Variants in NLRP6 observed in about 807,000 individuals in gnomAD.
NLRP6 encodes NLR family pyrin domain containing 6.
NLRP6 carries 55 observed loss-of-function variants against 70.9 expected under a neutral mutation model. That is an observed-to-expected ratio of 0.78 (90% CI 0.62 to 0.97). NLRP6 has a LOEUF of 0.97. Ranked by LOEUF, NLRP6 falls within the 50% of genes least tolerant of loss-of-function variation. The pLI is 0.00. For synonymous variants in NLRP6, 652 were observed against 581.9 expected, an observed-to-expected ratio of 1.12 and a Z score of -1.73; for missense variants, 1,241 against 1,238.3, an observed-to-expected ratio of 1.00 and a Z score of -0.03.
Position 278,694 on chromosome 11 carries a change from T to TC in NLRP6, c.29+96_29+97insC. 1.1e-6 allele frequency: 1 copy of TC among 922,640 alleles called. No homozygotes were observed. The highest frequency in any genetic ancestry group is 1.6e-6 in the Non-Finnish European group (1 of 624,118). 57.2% of individuals were successfully genotyped at this position (922,640 alleles called of 1,614,324 possible). ...GCTGACTTCCTCAGGCTCTCCACCC[T>TC]TGTCCACATCCTTCCCCCACCCTCA... is the stretch of plus-strand genomic sequence containing the variant. On this transcript the variant is annotated intron_variant, in intron 1 of 7. Transcript: ENST00000534750. This position sits in a 1 kb window ranked among gnomAD's most constrained non-coding sequence, Gnocchi z 4.7.
chr11:280,824 G>T lies in NLRP6; in HGVS notation c.1090G>T (p.Asp364Tyr). 4 of 1,613,118 alleles carry T rather than the reference G, an allele frequency of 2.5e-6. No individual in the cohort carries two copies. Among genetic ancestry groups the T allele is most frequent in the African/African-American group, 1.3e-5 (1 of 75,074 alleles). The change falls in exon 4 of 8, where the codon GAT becomes TAT. Residue 364 changes from aspartate to tyrosine, a missense_variant. By Grantham distance (160) the Asp-to-Tyr change is radical. Transcript: ENST00000534750. ...GAAGTATTTCTACAAGTATTTCCGGGATGAGAGGAGGGCCGAGCGCGCCTA... is the reference window on the plus strand; with the variant it reads ...GAAGTATTTCTACAAGTATTTCCGGTATGAGAGGAGGGCCGAGCGCGCCTA... ...KKKYFYKYFRDERRAERAYRF... is the reference protein window; with the variant it reads ...KKKYFYKYFRYERRAERAYRF...
chr11:282,863 C>A, intron 5 of NLRP6, 66 bp downstream of exon 5: 1 of 1,175,610 alleles, frequency 8.5e-7, no homozygotes, highest in Non-Finnish European at 1.3e-6. Context: ...TGGGCAGAGA[C>A]GGAAGTATGA....
At position 284,156 on chromosome 11, in the gene NLRP6, G is replaced by A; in HGVS notation, c.2199-74G>A. The A allele has an allele frequency of 3.6e-6, 5 of 1,379,008 alleles. No individual in the cohort carries two copies. In the South Asian group the frequency reaches 4.7e-5, roughly 13 times the overall value. 85.4% of individuals were successfully genotyped at this position (1,379,008 alleles called of 1,614,324 possible). ...CTGAACCCTGGGCCACCGGGCAGCG[G>A]GCATTTTGTGCAGTTGGAGGTGGTG... is the stretch of plus-strand genomic sequence containing the variant. On this transcript the variant is annotated intron_variant, in intron 5 of 7. Transcript: ENST00000534750.
chr11:284,270 C>A lies in NLRP6; in HGVS notation c.2239C>A (p.Leu747Ile), dbSNP rs781351097. 2 of 1,613,190 alleles carry A rather than the reference C, an allele frequency of 1.2e-6. No individual in the cohort carries two copies. Among genetic ancestry groups the A allele is most frequent in the South Asian group, 2.2e-5 (2 of 91,084 alleles). The change falls in exon 6 of 8, where the codon CTT becomes ATT. Residue 747 changes from leucine to isoleucine, a missense_variant. Transcript: ENST00000534750. ...CKLPDAVCRD[L>I]SEALRAAPAL... ...ACTCCCTGACGCGGTCTGCCGAGAC[C>A]TTTCTGAGGCCCTGAGGGCAGCCCC...
Position 279,832 on chromosome 11 carries a change from A to G in NLRP6, c.311-2A>G. On this transcript the variant is annotated splice_acceptor_variant, in intron 2 of 7. Transcript: ENST00000534750. LOFTEE classifies it high-confidence loss of function. Reference sequence around the variant, plus strand: ...GGAACCTCACCCCAGTTTCCCTTCCAGGGCTCGGGCTCGGCTCCGGGACGC... The same window carrying G: ...GGAACCTCACCCCAGTTTCCCTTCCGGGGCTCGGGCTCGGCTCCGGGACGC... 2 of 1,579,168 alleles carry G rather than the reference A, an allele frequency of 1.3e-6. No homozygotes were observed. Among genetic ancestry groups the G allele is most frequent in the Non-Finnish European group, 1.7e-6 (2 of 1,166,088 alleles).
chr11:283,199 C>G (rs764334290), intron 5 of NLRP6, among the ~76,000 whole-genome samples: 2 of 152,068 alleles, frequency 1.3e-5, no homozygotes, highest in Non-Finnish European at 2.9e-5. Context: ...CCGGCTTCTG[C>G]GTGCCCAGTA....
At position 280,281 on chromosome 11, in the gene NLRP6, A is replaced by C; in HGVS notation, c.547A>C (p.Asn183His). 1 of 1,511,010 alleles carries C rather than the reference A, an allele frequency of 6.6e-7. No homozygotes were observed. The highest frequency in any genetic ancestry group is 1.4e-5 in the African/African-American group (1 of 69,940). 93.6% of individuals were successfully genotyped at this position (1,511,010 alleles called of 1,614,324 possible). The change falls in exon 4 of 8, where the codon AAC becomes CAC. Residue 183 changes from asparagine to histidine, a missense_variant. Coordinates refer to ENST00000534750, the MANE Select transcript of NLRP6 (RefSeq NM_001276700.2). ...RARRSDTHTFNRLFRRDEEGR... is the reference protein window; with the variant it reads ...RARRSDTHTFHRLFRRDEEGR... ...GCGGCGCTCGGACACGCACACTTTC[A>C]ACCGCCTCTTCCGCCGCGACGAGGA...
rs1391053827 is a variant in NLRP6 at position 281,306 on chromosome 11, C to T, written c.1572C>T (p.Gly524=). 2 of 1,608,294 alleles carry T rather than the reference C, an allele frequency of 1.2e-6. No homozygotes were observed. Among genetic ancestry groups the T allele is most frequent in the East Asian group, 2.2e-5 (1 of 44,802 alleles). ...GCGGGGTGCCCAGGACCGCGGCTGG[C>T]GGCGTTGGGACACTCCTGCGTGGGG... ...EDGGVPRTAA[G]GVGTLLRGDA... The change falls in exon 4 of 8, where the codon GGC becomes GGT. Residue 524 remains glycine (G), a synonymous_variant. Coordinates refer to ENST00000534750, the MANE Select transcript of NLRP6 (RefSeq NM_001276700.2).
In NLRP6 at chr11:281,832, G is replaced by A; in HGVS notation, c.2098G>A (p.Gly700Ser). 2 of 1,574,248 alleles carry A rather than the reference G, an allele frequency of 1.3e-6. No homozygotes were observed. Among genetic ancestry groups the A allele is most frequent in the Non-Finnish European group, 8.6e-7 (1 of 1,164,732 alleles). Residue 700 changes from glycine to serine, a missense_variant, in exon 4 of 8, where the codon GGC becomes AGC. By Grantham distance (56) the Gly-to-Ser change is moderately conservative (BLOSUM62 0). Coordinates refer to ENST00000534750, the MANE Select transcript of NLRP6 (RefSeq NM_001276700.2). Reference sequence around the variant, plus strand: ...GAAGCGGCTCCAGGCCAGCCTGGGTGGCGGCAGGTGCGTCTCCAGGGCAGA... The same window carrying A: ...GAAGCGGCTCCAGGCCAGCCTGGGTAGCGGCAGGTGCGTCTCCAGGGCAGA... ...LGKRLQASLGGGSSQGTTKQL... is the reference protein window; with the variant it reads ...LGKRLQASLGSGSSQGTTKQL...
rs149974030 is a variant in NLRP6, at chr11:284,578, G to A, written c.2473G>A (p.Ala825Thr). Reference protein sequence around the residue: ...TLDLSGCQLPAPMVTYLCAVL... With the variant: ...TLDLSGCQLPTPMVTYLCAVL... ...GGATCTCAGCGGCTGCCAACTGCCC[G>A]CCCCCATGGTGACCTACCTGTGTGC... The change falls in exon 7 of 8, where the codon GCC becomes ACC. Residue 825 changes from alanine (A) to threonine (T), a missense_variant. By Grantham distance (58) the Ala-to-Thr change is moderately conservative. Coordinates refer to ENST00000534750, the MANE Select transcript of NLRP6 (RefSeq NM_001276700.2). 148 of 1,612,064 alleles carry A rather than the reference G, an allele frequency of 9.2e-5. No individual in the cohort carries two copies. In the East Asian group the frequency reaches 9.8e-4, roughly 11 times the overall value.
chr11:284,225 C>T lies in NLRP6; in HGVS notation c.2199-5C>T. The T allele has an allele frequency of 1.9e-6, 3 of 1,613,012 alleles. No homozygotes were observed. The highest frequency in any genetic ancestry group is 1.6e-4 in the Middle Eastern group (1 of 6,062). On this transcript the variant is annotated splice_region_variant and splice_polypyrimidine_tract_variant and intron_variant, in intron 5 of 7. Transcript: ENST00000534750. ...CAGGTAAATCTCTGTGCTTCTTGAC[C>T]ACAGGCTGTCCCACTGCAAACTCCC...
In NLRP6 at chr11:281,426, C is replaced by T. The variant is rs1371569776; in HGVS notation, c.1692C>T (p.Gly564=). The T allele has an allele frequency of 3.7e-6, 6 of 1,607,470 alleles. No homozygotes were observed. The East Asian group carries it at 1.3e-4, about 36-fold the overall frequency. The part of the protein sequence containing the change: ...ERMRDIERHF[G]CMVSERVKQE... ...TGCGCGACATCGAGCGCCACTTCGG[C>T]TGCATGGTTTCAGAGCGTGTGAAGC... Residue 564 remains glycine (G), a synonymous_variant, in exon 4 of 8, where the codon GGC becomes GGT. Transcript: ENST00000534750.
At chr11:284,147 C>A in intron 5 of NLRP6, 83 bp from the exon 6 acceptor site, 2 of 1,289,826 alleles carry the variant, frequency 1.6e-6, no homozygotes, top group East Asian at 2.4e-5. Context: ...CCTGGGCCAC[C>A]GGGCAGCGGG....
chr11:279,424 G>T lies in NLRP6; in HGVS notation c.127G>T (p.Asp43Tyr). The change falls in exon 2 of 8, where the codon GAC becomes TAC. Residue 43 changes from aspartate (D) to tyrosine (Y), a missense_variant. Asp to Tyr is a radical substitution (Grantham distance 160). Coordinates refer to ENST00000534750, the MANE Select transcript of NLRP6 (RefSeq NM_001276700.2). ...QLKRFRHKLR[D>Y]VGPDGRSIPW... The stretch of plus-strand genomic sequence containing the variant: ...GAAGCGCTTCCGCCACAAGCTGCGC[G>T]ACGTGGGCCCGGACGGACGCAGCAT... The T allele has an allele frequency of 7.3e-7, 1 of 1,370,076 alleles. No individual in the cohort carries two copies. Among genetic ancestry groups the T allele is most frequent in the Non-Finnish European group, 9.4e-7 (1 of 1,064,150 alleles). The allele number at this position is 1,370,076 out of a possible 1,614,324, so 84.9% of individuals were successfully genotyped here. A position where few individuals can be genotyped will look rare whatever the true frequency, so the allele number is the denominator to read the frequency against.
rs200526821 is a variant in NLRP6 at position 284,498 on chromosome 11, G to A, written c.2393G>A (p.Arg798Gln). Residue 798 changes from arginine to glutamine, a missense_variant, in exon 7 of 8, where the codon CGA becomes CAA. Coordinates refer to ENST00000534750, the MANE Select transcript of NLRP6 (RefSeq NM_001276700.2). The part of the protein sequence containing the change: ...TVRVQLPDPQ[R>Q]GLQYLVGMLR... ...AGGGTACAGCTGCCTGACCCCCAGCGAGGGCTCCAGTACCTGGTGGGTATG... is the reference window on the plus strand; with the variant it reads ...AGGGTACAGCTGCCTGACCCCCAGCAAGGGCTCCAGTACCTGGTGGGTATG... 70 of 1,612,922 alleles carry A rather than the reference G, an allele frequency of 4.3e-5. No homozygotes were observed. The highest frequency in any genetic ancestry group is 1.7e-4 in the Admixed American group (10 of 59,996).
In NLRP6 at chr11:281,322, C is replaced by T. The variant is rs1275303556; in HGVS notation, c.1588C>T (p.Leu530=). The T allele has an allele frequency of 6.2e-7, 1 of 1,610,408 alleles. No homozygotes were observed. Among genetic ancestry groups the T allele is most frequent in the African/African-American group, 1.3e-5 (1 of 75,050 alleles). ...RTAAGGVGTL[L]RGDAQPHSHL... ...CGCGGCTGGCGGCGTTGGGACACTCCTGCGTGGGGACGCCCAGCCGCACAG... is the reference window on the plus strand; with the variant it reads ...CGCGGCTGGCGGCGTTGGGACACTCTTGCGTGGGGACGCCCAGCCGCACAG... Residue 530 remains leucine (L), a synonymous_variant, in exon 4 of 8, where the codon CTG becomes TTG. Coordinates refer to ENST00000534750, the MANE Select transcript of NLRP6 (RefSeq NM_001276700.2).
chr11:282,628 TAC>T, intron 4 of NLRP6, 75 bp from the exon 5 acceptor site: 1 of 1,142,322 alleles, frequency 8.8e-7, no homozygotes, highest in Non-Finnish European at 1.3e-6. Flanking sequence ...ACCCCAGGAC[TAC>T]AGATAGACAG....
At position 284,209 on chromosome 11, in the gene NLRP6, C is replaced by A. The variant is rs1045102449; in HGVS notation, c.2199-21C>A. The A allele has an allele frequency of 1.9e-6, 3 of 1,611,694 alleles. No individual in the cohort carries two copies. In the African/African-American group the frequency reaches 4.0e-5, roughly 22 times the overall value. ...GTGGCTGAGGCGCCTGCAGGTAAATCTCTGTGCTTCTTGACCACAGGCTGT... is the reference window on the plus strand; with the variant it reads ...GTGGCTGAGGCGCCTGCAGGTAAATATCTGTGCTTCTTGACCACAGGCTGT... On this transcript the variant is annotated intron_variant, in intron 5 of 7. Transcript: ENST00000534750.
At position 278,705 on chromosome 11, in the gene NLRP6, C is replaced by T. The variant is rs1001499895; in HGVS notation, c.29+107C>T. ...CAGGCTCTCCACCCTTGTCCACATC[C>T]TTCCCCCACCCTCACTCCCAGGCTC... On this transcript the variant is annotated intron_variant, in intron 1 of 7. Transcript: ENST00000534750. This position sits in a 1 kb window ranked among gnomAD's most constrained non-coding sequence, Gnocchi z 4.7. 4 of 792,540 alleles carry T rather than the reference C, an allele frequency of 5.0e-6. No individual in the cohort carries two copies. Among genetic ancestry groups the T allele is most frequent in the African/African-American group, 1.8e-5 (1 of 55,532 alleles). 49.1% of individuals were successfully genotyped at this position (792,540 alleles called of 1,614,324 possible).
Sources: gnomAD v4.1 joint callset for allele counts (sites outside exome capture counted in the v4.1 genomes callset) on GRCh38, gnomAD v4.1.1 for gene constraint, Gnocchi (gnomAD v3.1) non-coding constraint, MANE v1.5 for transcripts, NCBI Gene and HGNC (gene_info 2026-07-23, HGNC 2026-07-21) for gene names.